Variants in NR3C2 observed in about 807,000 individuals in gnomAD.
NR3C2 encodes mineralocorticoid receptor.
A neutral mutation model predicts 86.4 loss-of-function variants in NR3C2; 15 were observed. The observed-to-expected ratio is 0.17, with a 90% CI of 0.12 to 0.27. NR3C2 has a LOEUF of 0.27. NR3C2 is among the 10% of genes least tolerant of loss of function. NR3C2 has a pLI of 1.00. For missense variants in NR3C2, 960 were observed against 1,195.6 expected, an observed-to-expected ratio of 0.80 and a Z score of 2.91; for synonymous variants, 458 against 450.5, an observed-to-expected ratio of 1.02 and a Z score of -0.21.
chr4:148,428,886 A>G (rs1394776134), intron 2 of NR3C2, among the ~76,000 whole-genome samples: 1 of 152,162 alleles, frequency 6.6e-6, no homozygotes, highest in Non-Finnish European at 1.5e-5. Flanking sequence ...TCCTGCTCCA[A>G]TATTTCCATA....
intron 2 of NR3C2, among the ~76,000 whole-genome samples, chr4:148,363,107 C>A (rs1745923663): frequency 6.6e-6 from 1 of 152,150 alleles, no homozygotes; most frequent in Non-Finnish European, 1.5e-5. Context: ...CTGCTTTAAA[C>A]CACCACACCT....
At chr4:148,405,009 T>C (rs917168847) in intron 2 of NR3C2, among the ~76,000 whole-genome samples, 3 of 152,246 alleles carry the variant, frequency 2.0e-5, no homozygotes, top group Non-Finnish European at 2.9e-5. Flanking sequence ...ACAAAGTTAC[T>C]GAACTATTAA....
At chr4:148,254,555 G>A (rs138317749) in intron 3 of NR3C2, among the ~76,000 whole-genome samples, 1 of 152,176 alleles carries the variant, frequency 6.6e-6, no homozygotes, top group Non-Finnish European at 1.5e-5. Context: ...CACACATCTG[G>A]GCAAACATTT....
At position 148,430,839 on chromosome 4, in the gene NR3C2, G is replaced by T. The variant is rs570052357; in HGVS notation, c.1757+4265C>A. Among the ~76,000 whole-genome samples the T allele has an allele frequency of 7.9e-5, 12 of 152,116 alleles. No homozygotes were observed. In the South Asian group the frequency reaches 2.5e-3, roughly 32 times the overall value. On this transcript the variant is annotated intron_variant, in intron 2 of 8. Transcript: ENST00000358102. The stretch of plus-strand genomic sequence containing the variant: ...TTTGTCATATAATGTGAGTTTCAAG[G>T]AAACTTCAGGGGCAATTGAAAAATA...
At chr4:148,417,138 TG>T (rs986734748) in intron 2 of NR3C2, among the ~76,000 whole-genome samples, 1 of 152,202 alleles carries the variant, frequency 6.6e-6, no homozygotes, top group Admixed American at 6.5e-5. Context: ...CCTCCTCTCT[TG>T]GAAGTCTTCA....
At chr4:148,383,090 C>T (rs1465312093) in intron 2 of NR3C2, among the ~76,000 whole-genome samples, 4 of 152,066 alleles carry the variant, frequency 2.6e-5, no homozygotes, top group Admixed American at 6.6e-5. Context: ...TCAAAATAAA[C>T]CTGAGAAAAA....
intron 8 of NR3C2, among the ~76,000 whole-genome samples, chr4:148,084,698 A>T (rs1474553781): frequency 6.6e-6 from 1 of 152,222 alleles, no homozygotes; most frequent in Non-Finnish European, 1.5e-5. Flanking sequence ...TAAATCCCCC[A>T]GTTAAAAGAC....
intron 3 of NR3C2, among the ~76,000 whole-genome samples, chr4:148,257,979 A>G (rs1739910826): frequency 6.6e-6 from 1 of 152,244 alleles, no homozygotes; most frequent in Non-Finnish European, 1.5e-5. Context: ...GTATGTTTAT[A>G]ACTGAGTTAT....
intron 7 of NR3C2, among the ~76,000 whole-genome samples, chr4:148,119,378 AAGATCCAGCTGCATCACATGTCCCTCCC>A (rs1732409745): frequency 6.6e-6 from 1 of 152,036 alleles, no homozygotes; most frequent in Non-Finnish European, 1.5e-5. Context: ...AAAACCCTCC[AAGATCCAGCTGCATCACATGTCCCTCCC>A]AGATCCCCAG....
At chr4:148,129,298 A>G (rs980407487) in intron 6 of NR3C2, among the ~76,000 whole-genome samples, 7 of 152,242 alleles carry the variant, frequency 4.6e-5, no homozygotes, top group Admixed American at 3.9e-4. Flanking sequence ...TTTCACTTAT[A>G]TGAGCTATCT....
intron 2 of NR3C2, among the ~76,000 whole-genome samples, chr4:148,322,712 C>T (rs1426098771): frequency 8.4e-6 from 1 of 119,686 alleles, no homozygotes; most frequent in African/African-American, 3.4e-5. Flanking sequence ...GTTCTCGAGC[C>T]TTGGTTTTCA....
At chr4:148,132,721 C>T (rs773871367) in intron 6 of NR3C2, among the ~76,000 whole-genome samples, 2 of 152,152 alleles carry the variant, frequency 1.3e-5, no homozygotes, top group Admixed American at 6.5e-5. Context: ...GGCAGTCAAA[C>T]CTCACTGAAA....
chr4:148,216,299 T>A (rs547291162), intron 3 of NR3C2, among the ~76,000 whole-genome samples: 2 of 152,190 alleles, frequency 1.3e-5, no homozygotes, highest in Non-Finnish European at 2.9e-5. Context: ...TCTAGGATAA[T>A]GACCAAAGAA....
intron 3 of NR3C2, among the ~76,000 whole-genome samples, chr4:148,217,671 T>C (rs1387964781): frequency 6.6e-6 from 1 of 152,220 alleles, no homozygotes; most frequent in Non-Finnish European, 1.5e-5. Context: ...TCTCCTCTTA[T>C]CCATTTACAT....
intron 3 of NR3C2, among the ~76,000 whole-genome samples, chr4:148,216,234 C>T (rs891062078): frequency 1.3e-5 from 2 of 152,074 alleles, no homozygotes; most frequent in Non-Finnish European, 2.9e-5. Context: ...CACCACCCCC[C>T]CAACCATTTA....
At chr4:148,090,812 G>A (rs1731025972) in intron 8 of NR3C2, among the ~76,000 whole-genome samples, 1 of 152,222 alleles carries the variant, frequency 6.6e-6, no homozygotes. Flanking sequence ...GTGTTCCACA[G>A]ACAGAGAAAG....
intron 3 of NR3C2, among the ~76,000 whole-genome samples, chr4:148,210,868 C>T (rs1036567793): frequency 6.6e-6 from 1 of 152,208 alleles, no homozygotes; most frequent in Non-Finnish European, 1.5e-5. Context: ...GAAATTAAAG[C>T]CTTTCTAAGT....
chr4:148,246,037 A>C (rs1056038513), intron 3 of NR3C2, among the ~76,000 whole-genome samples: 1 of 152,170 alleles, frequency 6.6e-6, no homozygotes, highest in Non-Finnish European at 1.5e-5. Flanking sequence ...GGTACACACA[A>C]TATGTTCTAG....
intron 3 of NR3C2, among the ~76,000 whole-genome samples, chr4:148,221,961 C>T (rs1343450711): frequency 6.6e-6 from 1 of 150,606 alleles, no homozygotes; most frequent in Non-Finnish European, 1.5e-5. Context: ...TTATAGTAAC[C>T]TAACTTATAA....
Sources: gnomAD v4.1 joint callset for allele counts (sites outside exome capture counted in the v4.1 genomes callset) on GRCh38, gnomAD v4.1.1 for gene constraint, MANE v1.5 for transcripts, NCBI Gene and HGNC (gene_info 2026-07-23, HGNC 2026-07-21) for gene names.